The following GPRASP1 variants were observed in gnomAD, a reference collection of about 807,000 sequenced individuals.
GPRASP1 encodes the protein G protein-coupled receptor-associated sorting protein 1.
Under a neutral mutation model 68.4 loss-of-function variants are expected in GPRASP1, and 28 were observed. That is an observed-to-expected ratio of 0.41 (90% CI 0.30 to 0.56). GPRASP1 has a LOEUF of 0.56. Ranked by LOEUF, GPRASP1 falls within the 20% of genes least tolerant of loss-of-function variation. The pLI, the probability that GPRASP1 is intolerant of heterozygous loss-of-function variation, is 0.29. For missense variants in GPRASP1, 913 were observed against 1,031.5 expected, an observed-to-expected ratio of 0.89 and a Z score of 1.57; for synonymous variants, 304 against 358.2, an observed-to-expected ratio of 0.85 and a Z score of 1.71.
chrX:102,655,307 G>A lies in GPRASP1; in HGVS notation c.1394G>A (p.Gly465Asp). 3 of 1,211,996 alleles carry A rather than the reference G, an allele frequency of 2.5e-6. No individual in the cohort carries two copies. Among genetic ancestry groups the A allele is most frequent in the Non-Finnish European group, 3.4e-6 (3 of 895,451 alleles). Residue 465 changes from glycine to aspartate, a missense_variant, in exon 6 of 6, where the codon GGT (glycine) becomes GAT (aspartate). Coordinates refer to ENST00000537097, the MANE Select transcript of GPRASP1 (RefSeq NM_001184727.2). The part of the protein sequence containing the change: ...SRPRTDGERI[G>D]DSLFGAREKT... Reference sequence around the variant, plus strand: ...CCAAGGACTGATGGGGAGCGTATTGGTGATTCCTTATTTGGGGCTAGGGAA... The same window carrying A: ...CCAAGGACTGATGGGGAGCGTATTGATGATTCCTTATTTGGGGCTAGGGAA...
Position 102,653,721 on chromosome X carries a change from C to T in GPRASP1, c.-193C>T, listed in dbSNP as rs2081378390. On this transcript the variant is annotated 5_prime_UTR_variant, in exon 6 of 6. Coordinates refer to ENST00000537097, the MANE Select transcript of GPRASP1 (RefSeq NM_001184727.2). The stretch of plus-strand genomic sequence containing the variant: ...ACACTCTATCTGTATTATTGAATTA[C>T]TGACTGAGACTGTGTTTGGGAAGGA... 9.3e-6 allele frequency: 4 copies of T among 431,864 alleles called. No individual in the cohort carries two copies. Among genetic ancestry groups the T allele is most frequent in the Middle Eastern group, 6.3e-4 (1 of 1,578 alleles). 35.6% of individuals were successfully genotyped at this position (431,864 alleles called of 1,213,427 possible). A position where few individuals can be genotyped will look rare whatever the true frequency, so the allele number is the denominator to read the frequency against.
Position 102,655,389 on chromosome X carries a change from T to C in GPRASP1, c.1476T>C (p.Asp492=), listed in dbSNP as rs765402781. The part of the protein sequence containing the change: ...EATSESILAA[D]DEQVIIGSWF... Reference sequence around the variant, plus strand: ...CCTCTGAATCTATACTAGCAGCTGATGATGAACAGGTCATTATTGGTTCCT... The same window carrying C: ...CCTCTGAATCTATACTAGCAGCTGACGATGAACAGGTCATTATTGGTTCCT... The change falls in exon 6 of 6, where the codon GAT becomes GAC. Residue 492 remains aspartate (D), a synonymous_variant. Coordinates refer to ENST00000537097, the MANE Select transcript of GPRASP1 (RefSeq NM_001184727.2). 6 of 1,209,892 alleles carry C rather than the reference T, an allele frequency of 5.0e-6. No homozygotes were observed. In the East Asian group the frequency reaches 1.8e-4, roughly 36 times the overall value.
Position 102,653,614 on chromosome X carries a change from G to C in GPRASP1, c.-300G>C, listed in dbSNP as rs2081376966. 1 of 250,018 alleles carries C rather than the reference G, an allele frequency of 4.0e-6. No homozygotes were observed. Among genetic ancestry groups the C allele is most frequent in the African/African-American group, 2.7e-5 (1 of 37,053 alleles). 20.6% of individuals were successfully genotyped at this position (250,018 alleles called of 1,213,427 possible). On this transcript the variant is annotated 5_prime_UTR_variant, in exon 6 of 6. Coordinates refer to ENST00000537097, the MANE Select transcript of GPRASP1 (RefSeq NM_001184727.2). ...CAGTGGCTGCTCTGCTGGTGGTGGG[G>C]TTGCTGCTGACAACCACCCTCAACG...
Position 102,654,896 on chromosome X carries a change from A to C in GPRASP1, c.983A>C (p.Asn328Thr), listed in dbSNP as rs967840710. ...RSKMRAGKEA[N>T]NRARHRAKRE... is the part of the protein sequence containing the mutation. ...AAAATGAGAGCTGGGAAGGAGGCCAATAACAGGGCCAGGCACAGGGCCAAG... is the reference window on the plus strand; with the variant it reads ...AAAATGAGAGCTGGGAAGGAGGCCACTAACAGGGCCAGGCACAGGGCCAAG... Residue 328 changes from asparagine to threonine, a missense_variant, in exon 6 of 6, where the codon AAT becomes ACT. By Grantham distance (65) the Asn-to-Thr change is moderately conservative. Transcript: ENST00000537097. 7 of 1,211,985 alleles carry C rather than the reference A, an allele frequency of 5.8e-6. No individual in the cohort carries two copies. The highest frequency in any genetic ancestry group is 7.8e-6 in the Non-Finnish European group (7 of 895,251).
chrX:102,656,359 G>T lies in GPRASP1; in HGVS notation c.2446G>T (p.Gly816Trp), dbSNP rs374905011. The change falls in exon 6 of 6, where the codon GGG (glycine) becomes TGG (tryptophan). Residue 816 changes from glycine (G) to tryptophan (W), a missense_variant. Coordinates refer to ENST00000537097, the MANE Select transcript of GPRASP1 (RefSeq NM_001184727.2). ...EKEGIVGSWF[G>W]AREETIRREA... ...AGAAGGTATTGTTGGGTCCTGGTTTGGGGCCAGAGAAGAGACCATTAGAAG... is the reference window on the plus strand; with the variant it reads ...AGAAGGTATTGTTGGGTCCTGGTTTTGGGCCAGAGAAGAGACCATTAGAAG... The T allele has an allele frequency of 1.0e-4, 124 of 1,193,965 alleles. No individual in the cohort carries two copies. The highest frequency in any genetic ancestry group is 9.0e-6 in the Non-Finnish European group (8 of 888,365).
rs1366560763 is a variant in GPRASP1, at chrX:102,657,322, C to G, written c.3409C>G (p.Pro1137Ala). The G allele has an allele frequency of 8.3e-7, 1 of 1,210,787 alleles. No homozygotes were observed. The highest frequency in any genetic ancestry group is 1.1e-6 in the Non-Finnish European group (1 of 894,880). Residue 1137 changes from proline to alanine, a missense_variant, in exon 6 of 6, where the codon CCT becomes GCT. Physicochemically the swap from Pro to Ala is conservative, Grantham distance 27. Coordinates refer to ENST00000537097, the MANE Select transcript of GPRASP1 (RefSeq NM_001184727.2). ...EHLRAKESTEPESSSCNCIQC... is the reference protein window; with the variant it reads ...EHLRAKESTEAESSSCNCIQC... ...TCTTAGGGCCAAGGAGAGTACAGAG[C>G]CTGAGAGTTCATCCTGTAACTGCAT...
At position 102,653,935 on chromosome X, in the gene GPRASP1, T is replaced by C. The variant is rs753529427; in HGVS notation, c.22T>C (p.Ser8Pro). The C allele has an allele frequency of 8.3e-7, 1 of 1,209,677 alleles. No individual in the cohort carries two copies. The change falls in exon 6 of 6, where the codon TCT (serine) becomes CCT (proline). Residue 8 changes from serine (S) to proline (P), a missense_variant. Transcript: ENST00000537097. MTGAEIE[S>P]GAQVKPEKKP... is the part of the protein sequence containing the mutation. ...TACCATGACTGGGGCAGAGATTGAG[T>C]CTGGTGCCCAGGTCAAGCCTGAAAA...
chrX:102,657,303 G>C lies in GPRASP1; in HGVS notation c.3390G>C (p.Arg1130Ser). The stretch of plus-strand genomic sequence containing the variant: ...TCCAGGAAATTCGAGAGCATCTTAG[G>C]GCCAAGGAGAGTACAGAGCCTGAGA... ...RSVQEIREHL[R>S]AKESTEPESS... Residue 1130 changes from arginine (R) to serine (S), a missense_variant, in exon 6 of 6, where the codon AGG (arginine) becomes AGC (serine). By Grantham distance (110) the Arg-to-Ser change is moderately radical. Coordinates refer to ENST00000537097, the MANE Select transcript of GPRASP1 (RefSeq NM_001184727.2). 1 of 1,210,951 alleles carries C rather than the reference G, an allele frequency of 8.3e-7. No individual in the cohort carries two copies. The highest frequency in any genetic ancestry group is 1.7e-5 in the African/African-American group (1 of 57,708).
Position 102,655,407 on chromosome X carries a change from T to G in GPRASP1, c.1494T>G (p.Ile498Met). The change falls in exon 6 of 6, where the codon ATT becomes ATG. Residue 498 changes from isoleucine (I) to methionine (M), a missense_variant. Coordinates refer to ENST00000537097, the MANE Select transcript of GPRASP1 (RefSeq NM_001184727.2). ...ILAADDEQVI[I>M]GSWFWAGEEV... ...CAGCTGATGATGAACAGGTCATTAT[T>G]GGTTCCTGGTTCTGGGCTGGTGAAG... 1 of 1,211,642 alleles carries G rather than the reference T, an allele frequency of 8.3e-7. No homozygotes were observed. The highest frequency in any genetic ancestry group is 1.1e-6 in the Non-Finnish European group (1 of 895,469).
Position 102,658,304 on chromosome X carries a change from G to T in GPRASP1, c.*203G>T, listed in dbSNP as rs1029947191. 12 of 376,056 alleles carry T rather than the reference G, an allele frequency of 3.2e-5. No individual in the cohort carries two copies. Among genetic ancestry groups the T allele is most frequent in the Non-Finnish European group, 5.2e-5 (11 of 212,093 alleles). The allele number at this position is 376,056 out of a possible 1,213,427, so 31.0% of individuals were successfully genotyped here. ...GCTGAAAACACATTTGTTGATATTT[G>T]TCTTGTCCACATTGTGATGTTCAGT... On this transcript the variant is annotated 3_prime_UTR_variant, in exon 6 of 6. Transcript: ENST00000537097.
chrX:102,655,860 A>C lies in GPRASP1; in HGVS notation c.1947A>C (p.Lys649Asn). The C allele has an allele frequency of 8.3e-7, 1 of 1,211,641 alleles. No individual in the cohort carries two copies. The highest frequency in any genetic ancestry group is 1.1e-6 in the Non-Finnish European group (1 of 895,438). The change falls in exon 6 of 6, where the codon AAA becomes AAC. Residue 649 changes from lysine (K) to asparagine (N), a missense_variant. Coordinates refer to ENST00000537097, the MANE Select transcript of GPRASP1 (RefSeq NM_001184727.2). ...EEAMIPCFGAKEEVSMKHGTG... is the reference protein window; with the variant it reads ...EEAMIPCFGANEEVSMKHGTG... ...CCATGATACCATGTTTTGGAGCCAAAGAAGAGGTCAGTATGAAGCATGGGA... is the reference window on the plus strand; with the variant it reads ...CCATGATACCATGTTTTGGAGCCAACGAAGAGGTCAGTATGAAGCATGGGA...
In GPRASP1 at chrX:102,657,117, T is replaced by C. The variant is rs762699205; in HGVS notation, c.3204T>C (p.Phe1068=). ...GRVGFPSISP[F]RFPKEAASLF... is the part of the protein sequence containing the mutation. Reference sequence around the variant, plus strand: ...TCGGCTTCCCATCTATAAGCCCCTTTAGATTTCCGAAAGAGGCAGCATCTT... The same window carrying C: ...TCGGCTTCCCATCTATAAGCCCCTTCAGATTTCCGAAAGAGGCAGCATCTT... The change falls in exon 6 of 6, where the codon TTT becomes TTC. Residue 1068 remains phenylalanine (F), a synonymous_variant. Coordinates refer to ENST00000537097, the MANE Select transcript of GPRASP1 (RefSeq NM_001184727.2). The C allele has an allele frequency of 5.0e-6, 6 of 1,210,435 alleles. No homozygotes were observed. The South Asian group carries it at 1.1e-4, about 21-fold the overall frequency.
intron 5 of GPRASP1, 83 bp from the exon 6 acceptor site, chrX:102,653,497 A>G (rs1158452425): frequency 8.2e-6 from 1 of 122,630 alleles, no homozygotes; most frequent in Non-Finnish European, 1.7e-5. Context: ...CTAGCATTCA[A>G]CATCAGTCTC....
In GPRASP1 at chrX:102,654,664, T is replaced by A; in HGVS notation, c.751T>A (p.Ser251Thr). ...TNQELYIASSSGSEDESVKTP... is the reference protein window; with the variant it reads ...TNQELYIASSTGSEDESVKTP... ...CCAGGAGCTCTATATTGCATCTAGT[T>A]CTGGTTCTGAGGATGAGTCTGTTAA... The change falls in exon 6 of 6, where the codon TCT becomes ACT. Residue 251 changes from serine (S) to threonine (T), a missense_variant. Transcript: ENST00000537097. 1 of 1,211,220 alleles carries A rather than the reference T, an allele frequency of 8.3e-7. No individual in the cohort carries two copies.
chrX:102,657,273 G>A lies in GPRASP1; in HGVS notation c.3360G>A (p.Arg1120=). Residue 1120 remains arginine (R), a synonymous_variant, in exon 6 of 6, where the codon AGG becomes AGA. Transcript: ENST00000537097. ...EFPFQYDPSY[R]SVQEIREHLR... ...CATTTCAGTATGATCCTTCCTACAG[G>A]TCAGTCCAGGAAATTCGAGAGCATC... 5 of 1,209,650 alleles carry A rather than the reference G, an allele frequency of 4.1e-6. No individual in the cohort carries two copies. The highest frequency in any genetic ancestry group is 5.6e-6 in the Non-Finnish European group (5 of 893,786).
rs868734117 is a variant in GPRASP1 at position 102,654,602 on chromosome X, A to T, written c.689A>T (p.Asn230Ile). The T allele has an allele frequency of 1.7e-6, 2 of 1,209,685 alleles. No homozygotes were observed. The highest frequency in any genetic ancestry group is 5.9e-5 in the East Asian group (2 of 33,830). The change falls in exon 6 of 6, where the codon AAT becomes ATT. Residue 230 changes from asparagine to isoleucine, a missense_variant. Transcript: ENST00000537097. ...AGTAACAGATCCATGCACATGGCCAATCAAGAGGCTAATACCATGTCTAGG... is the reference window on the plus strand; with the variant it reads ...AGTAACAGATCCATGCACATGGCCATTCAAGAGGCTAATACCATGTCTAGG... ...KDSNRSMHMANQEANTMSRSQ... is the reference protein window; with the variant it reads ...KDSNRSMHMAIQEANTMSRSQ...
In GPRASP1 at chrX:102,657,202, GATCAGGA is replaced by G. The variant is rs2081421649; in HGVS notation, c.3293_3299del (p.Gln1098LeufsTer50). 1 of 1,209,613 alleles carries G rather than the reference GATCAGGA, an allele frequency of 8.3e-7. No individual in the cohort carries two copies. Among genetic ancestry groups the G allele is most frequent in the Admixed American group, 2.2e-5 (1 of 45,777 alleles). On this transcript the variant is annotated frameshift_variant, in exon 6 of 6. Coordinates refer to ENST00000537097, the MANE Select transcript of GPRASP1 (RefSeq NM_001184727.2). LOFTEE classifies it high-confidence loss of function. ...CATGGTACTTAGCCCAGAAGGGGAA[GATCAGGA>G]ATCTTTGCTTCAGCCTGATCAGCCT...
Position 102,657,081 on chromosome X carries a change from A to G in GPRASP1, c.3168A>G (p.Pro1056=), listed in dbSNP as rs1349661699. The stretch of plus-strand genomic sequence containing the variant: ...TCACTGTTCAGTTCAAGCCTGGTCC[A>G]TGGGGTAGGGTCGGCTTCCCATCTA... The part of the protein sequence containing the change: ...EEVTVQFKPG[P]WGRVGFPSIS... The change falls in exon 6 of 6, where the codon CCA becomes CCG. Residue 1056 remains proline, a synonymous_variant. Coordinates refer to ENST00000537097, the MANE Select transcript of GPRASP1 (RefSeq NM_001184727.2). 2.5e-6 allele frequency: 3 copies of G among 1,211,356 alleles called. No individual in the cohort carries two copies. Among genetic ancestry groups the G allele is most frequent in the Non-Finnish European group, 3.4e-6 (3 of 895,068 alleles).
rs1181691646 is a variant in GPRASP1, at chrX:102,655,205, A to C, written c.1292A>C (p.Asp431Ala). ...ATAGAGTCCAGTCTACAAGTGGAGGATGAGTCCATAATTGGGAGTTGGTTC... is the reference window on the plus strand; with the variant it reads ...ATAGAGTCCAGTCTACAAGTGGAGGCTGAGTCCATAATTGGGAGTTGGTTC... ...ASIESSLQVE[D>A]ESIIGSWFWT... The change falls in exon 6 of 6, where the codon GAT becomes GCT. Residue 431 changes from aspartate (D) to alanine (A), a missense_variant. Transcript: ENST00000537097. 8.3e-7 allele frequency: 1 copy of C among 1,211,236 alleles called. No individual in the cohort carries two copies. The highest frequency in any genetic ancestry group is 1.1e-6 in the Non-Finnish European group (1 of 894,924).
Sources: allele counts gnomAD v4.1 joint callset, GRCh38; gene constraint gnomAD v4.1.1; transcripts MANE v1.5; gene names NCBI Gene and HGNC (gene_info 2026-07-23, HGNC 2026-07-21).